GPC6: variants seen among roughly 807,000 people sequenced by gnomAD.
The protein encoded by GPC6 is glypican-6.
Under a neutral mutation model 55.2 loss-of-function variants are expected in GPC6, and 14 were observed. The ratio of observed to expected loss-of-function variants is 0.25; its 90% CI spans 0.17 to 0.40. The LOEUF (loss-of-function observed/expected upper bound fraction) is 0.40, where lower values mean the gene tolerates loss of function less well. GPC6 is among the 10% of genes least tolerant of loss of function. GPC6 has a pLI of 1.00. For missense variants in GPC6, 641 were observed against 708.5 expected, an observed-to-expected ratio of 0.90 and a Z score of 1.08; for synonymous variants, 278 against 259.6, an observed-to-expected ratio of 1.07 and a Z score of -0.68.
chr13:94,340,052 C>T (rs926350028), intron 6 of GPC6, among the ~76,000 whole-genome samples: 2 of 152,060 alleles, frequency 1.3e-5, no homozygotes, highest in African/African-American at 2.4e-5. Flanking sequence ...CTTGAGCCAG[C>T]GCACCAGCCT....
chr13:93,725,545 A>G (rs1027197553), intron 2 of GPC6, among the ~76,000 whole-genome samples: 2 of 152,080 alleles, frequency 1.3e-5, no homozygotes. Context: ...CTCCAAAAAA[A>G]TAGAGAGAGT....
intron 4 of GPC6, among the ~76,000 whole-genome samples, chr13:94,273,599 A>G (rs1594120338): frequency 1.3e-5 from 2 of 152,336 alleles, no homozygotes; most frequent in Middle Eastern, 3.4e-3. Flanking sequence ...GTAAGTAAAT[A>G]AGATACAGGG....
In GPC6 at chr13:93,356,915, A is replaced by C. The variant is rs184851098; in HGVS notation, c.160+129299A>C. 7.2e-5 allele frequency among the ~76,000 whole-genome samples: 11 copies of C among 152,346 alleles called. No homozygotes were observed. In the East Asian group the frequency reaches 2.1e-3, roughly 29 times the overall value. ...TTACTATATAGAACTGAGTTTGTGC[A>C]TGAGATCATGGGTCACCAGGCTACA... is the stretch of plus-strand genomic sequence containing the variant. On this transcript the variant is annotated intron_variant, in intron 1 of 8. Coordinates refer to ENST00000377047, the MANE Select transcript of GPC6 (RefSeq NM_005708.5).
chr13:93,387,773 G>A (rs1285607080), intron 1 of GPC6, among the ~76,000 whole-genome samples: 2 of 152,168 alleles, frequency 1.3e-5, no homozygotes, highest in Admixed American at 6.5e-5. Flanking sequence ...AAAGAAGTAC[G>A]TTTCCACATA....
At chr13:94,082,447 C>T (rs766885643) in intron 4 of GPC6, among the ~76,000 whole-genome samples, 25 of 152,276 alleles carry the variant, frequency 1.6e-4, no homozygotes, top group African/African-American at 4.6e-4. Context: ...CCAGTTTCCT[C>T]GCTATCCCTT....
chr13:94,376,555 C>A (rs2139200119), intron 6 of GPC6, among the ~76,000 whole-genome samples: 1 of 150,664 alleles, frequency 6.6e-6, no homozygotes, highest in African/African-American at 2.4e-5. Flanking sequence ...AAAGAGGATA[C>A]AAACAAATGG....
At chr13:94,385,148 G>C (rs1880345880) in intron 7 of GPC6, among the ~76,000 whole-genome samples, 1 of 151,968 alleles carries the variant, frequency 6.6e-6, no homozygotes, top group South Asian at 2.1e-4. Context: ...GCTAAGGCAG[G>C]AGAATCGCTT....
At chr13:93,833,578 T>G (rs1255189082) in intron 3 of GPC6, among the ~76,000 whole-genome samples, 1 of 152,156 alleles carries the variant, frequency 6.6e-6, no homozygotes, top group Non-Finnish European at 1.5e-5. Context: ...TGATTTTTTT[T>G]TTTCTCTTCA....
At chr13:93,405,482 G>A (rs1876251334) in intron 1 of GPC6, among the ~76,000 whole-genome samples, 2 of 152,168 alleles carry the variant, frequency 1.3e-5, no homozygotes, top group African/African-American at 4.8e-5. Flanking sequence ...GTTTGAAGTG[G>A]TAAAAAGTCA....
chr13:93,579,367 T>C (rs898907257), intron 2 of GPC6, among the ~76,000 whole-genome samples: 4 of 152,036 alleles, frequency 2.6e-5, no homozygotes, highest in African/African-American at 9.7e-5. Flanking sequence ...TGACATCTGT[T>C]ATGTACCAAT....
chr13:94,236,714 A>G (rs1333130746), intron 4 of GPC6, among the ~76,000 whole-genome samples: 1 of 152,104 alleles, frequency 6.6e-6, no homozygotes, highest in East Asian at 1.9e-4. Context: ...TCATTCTACA[A>G]GTATTTCCTT....
chr13:93,352,543 C>T (rs1053535737), intron 1 of GPC6, among the ~76,000 whole-genome samples: 2 of 152,024 alleles, frequency 1.3e-5, no homozygotes, highest in Non-Finnish European at 2.9e-5. Flanking sequence ...GCAGATGATG[C>T]GGATGTCTGG....
intron 1 of GPC6, among the ~76,000 whole-genome samples, chr13:93,249,929 C>T (rs997590792): frequency 3.9e-5 from 6 of 152,078 alleles, no homozygotes; most frequent in Non-Finnish European, 8.8e-5. Flanking sequence ...TGTAGTTTTC[C>T]GCAGGAGCTC....
chr13:94,321,385 A>T (rs187190371), intron 6 of GPC6, among the ~76,000 whole-genome samples: 229 of 152,336 alleles, frequency 1.5e-3, no homozygotes, highest in Admixed American at 2.3e-3. Flanking sequence ...ATACATGTAC[A>T]TGTGTCTTTG....
intron 7 of GPC6, among the ~76,000 whole-genome samples, chr13:94,393,073 G>A (rs1270786884): frequency 6.6e-6 from 1 of 152,102 alleles, no homozygotes; most frequent in Non-Finnish European, 1.5e-5. Flanking sequence ...CCTAATATGT[G>A]GGAAGTTTAA....
intron 8 of GPC6, among the ~76,000 whole-genome samples, chr13:94,398,980 G>A (rs1881012967): frequency 6.6e-6 from 1 of 152,148 alleles, no homozygotes; most frequent in South Asian, 2.1e-4. Flanking sequence ...ATTCACATCT[G>A]ACCCAAACTT....
chr13:94,034,841 C>A (rs1405442192), intron 4 of GPC6, among the ~76,000 whole-genome samples: 3 of 151,472 alleles, frequency 2.0e-5, no homozygotes, highest in African/African-American at 7.3e-5. Context: ...TGAGGCATAC[C>A]TATTGTGCAA....
At chr13:93,928,887 A>ACACACG (rs1878003776) in intron 3 of GPC6, among the ~76,000 whole-genome samples, 1 of 149,206 alleles carries the variant, frequency 6.7e-6, no homozygotes, top group Admixed American at 6.7e-5. Flanking sequence ...ACACACACAC[A>ACACACG]CACACATCTA....
At chr13:93,856,566 A>G (rs551281688) in intron 3 of GPC6, among the ~76,000 whole-genome samples, 2 of 151,782 alleles carry the variant, frequency 1.3e-5, no homozygotes, top group East Asian at 3.9e-4. Context: ...GTAAGAAACT[A>G]TGTCTCAATG....
Sources: gnomAD v4.1 joint callset for allele counts (sites outside exome capture counted in the v4.1 genomes callset) on GRCh38, gnomAD v4.1.1 for gene constraint, MANE v1.5 for transcripts, NCBI Gene and HGNC (gene_info 2026-07-23, HGNC 2026-07-21) for gene names.